WDR37: variants seen among roughly 807,000 people sequenced by gnomAD.
WDR37 encodes the protein WD repeat domain 37.
WDR37 carries 19 observed loss-of-function variants against 62.9 expected under a neutral mutation model. That is an observed-to-expected ratio of 0.30 (90% CI 0.21 to 0.44). WDR37 has a LOEUF of 0.44. WDR37 is among the 20% of genes least tolerant of loss of function. WDR37 has a pLI of 1.00. For missense variants in WDR37, 474 were observed against 657.6 expected (o/e 0.72, Z 3.05); for synonymous variants, 250 against 260.9 (o/e 0.96, Z 0.40).
chr10:1,108,034 AC>A (rs1200372266), intron 11 of WDR37, among the ~76,000 whole-genome samples: 1 of 152,260 alleles, frequency 6.6e-6, no homozygotes, highest in Non-Finnish European at 1.5e-5. Context: ...TCTATAACAC[AC>A]ACTTGTATAT....
intron 4 of WDR37, 66 bp downstream of exon 4, chr10:1,080,172 A>C: frequency 6.4e-7 from 1 of 1,570,052 alleles, no homozygotes; most frequent in Non-Finnish European, 8.8e-7. Flanking sequence ...GAATTTAGTG[A>C]AGGATGCTGG....
rs1353025065 is a variant in WDR37, at chr10:1,056,543, A to G, written c.-466A>G. On this transcript the variant is annotated 5_prime_UTR_variant, in exon 1 of 14. The change abolishes an upstream ATG in the 5' untranslated region. Coordinates refer to ENST00000263150, the MANE Select transcript of WDR37 (RefSeq NM_014023.4). Reference sequence around the variant, plus strand: ...CCCCGGCTGCCGGGCTACGGGGCAGATGGACTCGGAGCGCCCCGCCGGTGA... The same window carrying G: ...CCCCGGCTGCCGGGCTACGGGGCAGGTGGACTCGGAGCGCCCCGCCGGTGA... 6.6e-6 allele frequency: 1 copy of G among 152,128 alleles called. No homozygotes were observed. The highest frequency in any genetic ancestry group is 1.5e-5 in the Non-Finnish European group (1 of 68,046). The allele number at this position is 152,128 out of a possible 1,614,324, so 9.4% of individuals were successfully genotyped here.
At chr10:1,126,672 C>G (rs1241464195) in intron 13 of WDR37, among the ~76,000 whole-genome samples, 1 of 152,234 alleles carries the variant, frequency 6.6e-6, no homozygotes, top group Non-Finnish European at 1.5e-5. Context: ...TGGGCCGCAG[C>G]TGCTCTGCAC....
chr10:1,092,350 C>T (rs1346468868), intron 7 of WDR37, among the ~76,000 whole-genome samples: 1 of 151,256 alleles, frequency 6.6e-6, no homozygotes, highest in Admixed American at 6.6e-5. Flanking sequence ...AAGACCGTGT[C>T]TCTACTAAAA....
chr10:1,086,003 TGTCA>T (rs1272397278), intron 6 of WDR37, among the ~76,000 whole-genome samples: 2 of 152,228 alleles, frequency 1.3e-5, no homozygotes, highest in Non-Finnish European at 2.9e-5. Flanking sequence ...GACCTCTGTC[TGTCA>T]TTTTCCAGCA....
chr10:1,107,903 G>A (rs572465423), intron 11 of WDR37, among the ~76,000 whole-genome samples: 1 of 147,364 alleles, frequency 6.8e-6, no homozygotes, highest in South Asian at 2.1e-4. Flanking sequence ...CAGCACTGCT[G>A]TCTCTATTTA....
At chr10:1,088,431 T>G (rs1038257658) in intron 7 of WDR37, among the ~76,000 whole-genome samples, 1 of 152,150 alleles carries the variant, frequency 6.6e-6, no homozygotes, top group Non-Finnish European at 1.5e-5. Context: ...TAGAGGCCAT[T>G]GTAGGGTTAT....
At chr10:1,084,279 T>C (rs976055993) in intron 5 of WDR37, 124 bp from the exon 6 acceptor site, 2 of 1,268,416 alleles carry the variant, frequency 1.6e-6, no homozygotes, top group Admixed American at 2.4e-5. Context: ...TGTTCCTTGA[T>C]GCTTTAACTG....
At chr10:1,073,534 A>G (rs1435083889) in intron 2 of WDR37, among the ~76,000 whole-genome samples, 1 of 152,256 alleles carries the variant, frequency 6.6e-6, no homozygotes, top group Admixed American at 6.5e-5. Context: ...ATTTTAACTT[A>G]GTGTTCAAAA....
In WDR37 at chr10:1,124,979, T is replaced by C. The variant is rs1442074304; in HGVS notation, c.1308T>C (p.Asp436=). The C allele has an allele frequency of 1.9e-6, 3 of 1,614,176 alleles. No individual in the cohort carries two copies. The highest frequency in any genetic ancestry group is 2.2e-5 in the South Asian group (2 of 91,082). ...ACAACCGACAAGTGAGACTGTTTGA[T>C]ATGTCAGGAGTGCGCCTGGCGCGGC... ...PHDNRQVRLF[D]MSGVRLARLP... is the part of the protein sequence containing the mutation. The change falls in exon 13 of 14, where the codon GAT becomes GAC. Residue 436 remains aspartate, a synonymous_variant. Transcript: ENST00000263150.
At chr10:1,098,057 G>A (rs1173929937) in intron 9 of WDR37, among the ~76,000 whole-genome samples, 1 of 152,162 alleles carries the variant, frequency 6.6e-6, no homozygotes, top group African/African-American at 2.4e-5. Flanking sequence ...CATGCAAGAA[G>A]GATATGAATT....
At chr10:1,071,647 C>T (rs1392354454) in intron 1 of WDR37, among the ~76,000 whole-genome samples, 1 of 152,014 alleles carries the variant, frequency 6.6e-6, no homozygotes, top group Non-Finnish European at 1.5e-5. Context: ...ATATTTTAAA[C>T]GTATTGGGTT....
intron 2 of WDR37, among the ~76,000 whole-genome samples, chr10:1,076,408 G>A (rs1219003481): frequency 2.6e-5 from 4 of 151,982 alleles, no homozygotes; most frequent in East Asian, 3.9e-4. Flanking sequence ...GGCCACGCGC[G>A]GTGGCTCATG....
At chr10:1,097,138 G>C (rs1344645438) in intron 9 of WDR37, among the ~76,000 whole-genome samples, 5 of 152,192 alleles carry the variant, frequency 3.3e-5, no homozygotes, top group Admixed American at 3.3e-4. Flanking sequence ...GAGATACTCC[G>C]AAAGAGTTGT....
chr10:1,103,459 C>A lies in WDR37; in HGVS notation c.727-143C>A. The A allele has an allele frequency of 1.2e-6, 1 of 839,666 alleles. No individual in the cohort carries two copies. Among genetic ancestry groups the A allele is most frequent in the Non-Finnish European group, 1.9e-6 (1 of 536,790 alleles). 52.0% of individuals were successfully genotyped at this position (839,666 alleles called of 1,614,324 possible). A position where few individuals can be genotyped will look rare whatever the true frequency, so the allele number is the denominator to read the frequency against. ...AGGAGGACATACTCATCACTGTGGC[C>A]AGCACCAGGCTCCTAGTGGTGACCA... On this transcript the variant is annotated intron_variant, in intron 9 of 13. Coordinates refer to ENST00000263150, the MANE Select transcript of WDR37 (RefSeq NM_014023.4). The surrounding 1 kb of genome is among the most constrained non-coding windows in gnomAD (Gnocchi z 6.3).
chr10:1,100,633 T>A (rs1466785385), intron 9 of WDR37, among the ~76,000 whole-genome samples: 1 of 152,204 alleles, frequency 6.6e-6, no homozygotes, highest in Non-Finnish European at 1.5e-5. Context: ...AGCGTTTGGG[T>A]GGCGTAGTGG....
intron 9 of WDR37, among the ~76,000 whole-genome samples, chr10:1,099,970 G>A (rs1485315131): frequency 6.7e-6 from 1 of 148,212 alleles, no homozygotes; most frequent in African/African-American, 2.4e-5. Flanking sequence ...GGTGGGCGTG[G>A]TGGAGAGGTG....
intron 5 of WDR37, among the ~76,000 whole-genome samples, chr10:1,081,564 T>C (rs898711977): frequency 2.6e-5 from 4 of 152,222 alleles, no homozygotes; most frequent in Admixed American, 1.3e-4. Flanking sequence ...TTCTTTGTTA[T>C]TCAAAAGAAA....
chr10:1,082,325 G>A (rs1054072218), intron 5 of WDR37, among the ~76,000 whole-genome samples: 9 of 152,154 alleles, frequency 5.9e-5, no homozygotes, highest in African/African-American at 2.2e-4. Context: ...TTACGTGAAC[G>A]CAGAAGAGGT....
Sources: allele counts gnomAD v4.1 joint callset (sites outside exome capture counted in the v4.1 genomes callset), GRCh38; gene constraint gnomAD v4.1.1; non-coding constraint Gnocchi (gnomAD v3.1); transcripts MANE v1.5; gene names NCBI Gene and HGNC (gene_info 2026-07-23, HGNC 2026-07-21).